NRBP1: variants seen among roughly 807,000 people sequenced by gnomAD.
The protein encoded by NRBP1 is nuclear receptor-binding protein.
Under a neutral mutation model 76.0 loss-of-function variants are expected in NRBP1, and 10 were observed. The observed-to-expected ratio is 0.13, with a 90% CI of 0.08 to 0.22. NRBP1 has a LOEUF of 0.22. NRBP1 is among the 10% of genes least tolerant of loss of function. The probability of loss-of-function intolerance (pLI) is 1.00; values close to 1 mark genes in which losing one functional copy is unlikely to be tolerated. For synonymous variants in NRBP1, 235 were observed against 240.2 expected (o/e 0.98, Z 0.20); for missense variants, 344 against 646.0 (o/e 0.53, Z 5.07).
Position 27,440,841 on chromosome 2 carries a change from T to C in NRBP1, c.1230T>C (p.Pro410=). The C allele has an allele frequency of 6.2e-7, 1 of 1,614,060 alleles. No homozygotes were observed. Among genetic ancestry groups the C allele is most frequent in the Non-Finnish European group, 8.5e-7 (1 of 1,180,024 alleles). The change falls in exon 14 of 18, where the codon CCT becomes CCC. Residue 410 remains proline, a synonymous_variant. Transcript: ENST00000379852. ...GIYPLTAFGL[P]RPQQPQQEEV... ...ATCCTCTGACAGCCTTTGGGCTGCC[T>C]CGGCCCCAGCAGCCACAGCAGGAGG...
At position 27,433,495 on chromosome 2, in the gene NRBP1, G is replaced by T. The variant is rs775263465; in HGVS notation, c.210+12G>T. ...AGAGGCGAGAAGAGGTAAGGTTATG[G>T]TACAGTTACTCTTGGGTGAGTGAAT... On this transcript the variant is annotated intron_variant, in intron 2 of 17. Coordinates refer to ENST00000379852, the MANE Select transcript of NRBP1 (RefSeq NM_013392.4). 2.5e-5 allele frequency: 40 copies of T among 1,613,174 alleles called. No homozygotes were observed. Among genetic ancestry groups the T allele is most frequent in the Non-Finnish European group, 3.2e-5 (38 of 1,179,616 alleles).
At chr2:27,431,026 T>C (rs1664091842) in intron 1 of NRBP1, among the ~76,000 whole-genome samples, 2 of 152,138 alleles carry the variant, frequency 1.3e-5, no homozygotes, top group Non-Finnish European at 2.9e-5. Context: ...CTAGGCTGGG[T>C]GTGGTGGCTC....
intron 14 of NRBP1, 84 bp downstream of exon 14, chr2:27,441,024 A>T: frequency 6.2e-7 from 1 of 1,608,912 alleles, no homozygotes; most frequent in Non-Finnish European, 8.5e-7. Flanking sequence ...TATCCTTTAG[A>T]GAAAATGCTC....
intron 10 of NRBP1, among the ~76,000 whole-genome samples, chr2:27,438,383 G>T (rs1345382134): frequency 1.3e-5 from 2 of 152,138 alleles, no homozygotes; most frequent in Admixed American, 6.5e-5. Context: ...AATGAGCTAA[G>T]ATTTAAAAGA....
At chr2:27,435,022 A>C in intron 6 of NRBP1, 111 bp from the exon 7 acceptor site, 2 of 688,046 alleles carry the variant, frequency 2.9e-6, no homozygotes, top group South Asian at 3.5e-5. Flanking sequence ...GAGTGTGGGG[A>C]TTATCTTTAT....
Position 27,435,153 on chromosome 2 carries a change from C to G in NRBP1, c.587C>G (p.Pro196Arg), listed in dbSNP as rs779546002. The change falls in exon 7 of 18, where the codon CCC becomes CGC. Residue 196 changes from proline (P) to arginine (R), a missense_variant. By Grantham distance (103) the Pro-to-Arg change is moderately radical. Around this residue, in one of 3 missense-constraint regions of NRBP1, gnomAD observed 73 missense variants for 287.8 expected, o/e 0.25. Transcript: ENST00000379852. ...SALSYLHSCD[P>R]PIIHGNLTCD... ...CACAGCTACCTGCACTCCTGTGACC[C>G]CCCCATCATCCATGGGAACCTGACC... 2 of 1,614,054 alleles carry G rather than the reference C, an allele frequency of 1.2e-6. No homozygotes were observed. Among genetic ancestry groups the G allele is most frequent in the African/African-American group, 2.7e-5 (2 of 74,994 alleles).
At position 27,434,467 on chromosome 2, in the gene NRBP1, C is replaced by T. The variant is rs1664232041; in HGVS notation, c.436-4C>T. The T allele has an allele frequency of 6.2e-7, 1 of 1,610,746 alleles. No homozygotes were observed. ...GCCTTTTAGTAAGTGCTTTGCCTCC[C>T]CAGGTCATTTTTATCACAGAATACA... On this transcript the variant is annotated splice_region_variant and splice_polypyrimidine_tract_variant and intron_variant, in intron 4 of 17. Transcript: ENST00000379852.
At chr2:27,438,034 A>C (rs1036978970) in intron 10 of NRBP1, among the ~76,000 whole-genome samples, 7 of 151,346 alleles carry the variant, frequency 4.6e-5, no homozygotes, top group Non-Finnish European at 7.4e-5. Flanking sequence ...TAAAAATACA[A>C]AAATTAGCTG....
At chr2:27,435,774 GCT>G (rs1425342750) in intron 7 of NRBP1, 6 of 717,456 alleles carry the variant, frequency 8.4e-6, no homozygotes, top group African/African-American at 3.5e-5. Context: ...CCCACTTGGG[GCT>G]CTGTTTGTGC....
rs865932905 is a variant in NRBP1 at position 27,433,921 on chromosome 2, G to A, written c.334-68G>A. The A allele has an allele frequency of 3.8e-6, 6 of 1,593,194 alleles. No homozygotes were observed. In the Middle Eastern group the frequency reaches 8.3e-4, roughly 221 times the overall value. On this transcript the variant is annotated intron_variant, in intron 3 of 17. Coordinates refer to ENST00000379852, the MANE Select transcript of NRBP1 (RefSeq NM_013392.4). ...TTAGATCGTTTCTGGGGAGGGATAG[G>A]GAATGGCTTCTCAGGATTATTACAG... is the stretch of plus-strand genomic sequence containing the variant.
In NRBP1 at chr2:27,442,229, T is replaced by A. The variant is rs1664615713; in HGVS notation, c.*417T>A. 1.7e-6 allele frequency: 1 copy of A among 574,592 alleles called. No homozygotes were observed. The highest frequency in any genetic ancestry group is 3.8e-5 in the Admixed American group (1 of 26,116). 35.6% of individuals were successfully genotyped at this position (574,592 alleles called of 1,614,324 possible). On this transcript the variant is annotated 3_prime_UTR_variant, in exon 18 of 18. Transcript: ENST00000379852. ...GGGCCATTCGATTCGCCTCAGTTGC[T>A]GCTGTAATAAAAGTCTACTTTTTGC... is the stretch of plus-strand genomic sequence containing the variant.
chr2:27,434,801 G>A, intron 6 of NRBP1, 39 bp downstream of exon 6: 1 of 1,596,636 alleles, frequency 6.3e-7, no homozygotes, highest in Non-Finnish European at 8.6e-7. Flanking sequence ...CATATTTCCT[G>A]ATGTAGTTAC....
At chr2:27,434,920 C>A in intron 6 of NRBP1, 158 bp downstream of exon 6, 2 of 749,510 alleles carry the variant, frequency 2.7e-6, no homozygotes, top group South Asian at 3.2e-5. Flanking sequence ...TTAAAGGGTG[C>A]GTCCTAATGC....
rs1464337632 is a variant in NRBP1 at position 27,442,073 on chromosome 2, C to T, written c.*261C>T. ...AGCCGCCTTCTAGTTGGGGGCTAGT[C>T]GCTGATCTGCCGGCTCCCGCCCAGC... is the stretch of plus-strand genomic sequence containing the variant. On this transcript the variant is annotated 3_prime_UTR_variant, in exon 18 of 18. Coordinates refer to ENST00000379852, the MANE Select transcript of NRBP1 (RefSeq NM_013392.4). 2 of 533,736 alleles carry T rather than the reference C, an allele frequency of 3.7e-6. No individual in the cohort carries two copies. The highest frequency in any genetic ancestry group is 1.9e-5 in the African/African-American group (1 of 51,466). The allele number at this position is 533,736 out of a possible 1,614,324, so 33.1% of individuals were successfully genotyped here.
At chr2:27,433,878 G>C in intron 3 of NRBP1, 83 bp downstream of exon 3, 1 of 1,608,396 alleles carries the variant, frequency 6.2e-7, no homozygotes, top group South Asian at 1.1e-5. Context: ...AGCTGCCCGT[G>C]AGGAGAGTAT....
chr2:27,435,731 A>T, intron 7 of NRBP1: 1 of 717,564 alleles, frequency 1.4e-6, no homozygotes, highest in Non-Finnish European at 2.6e-6. Context: ...AGTCTTTCAT[A>T]GGATTTTTGC....
Position 27,441,180 on chromosome 2 carries a change from C to CGTAAGGCTCA in NRBP1, c.1383+2_1383+11dup. ...CGGTGGAGGAGGGAGTCAAACACCA[C>CGTAAGGCTCA]GTAAGGCTCAGGGCTAGGGTTGCGC... On this transcript the variant is annotated frameshift_variant and splice_region_variant. Coordinates refer to ENST00000379852, the MANE Select transcript of NRBP1 (RefSeq NM_013392.4). LOFTEE classifies it high-confidence loss of function. 1 of 1,613,990 alleles carries CGTAAGGCTCA rather than the reference C, an allele frequency of 6.2e-7. No homozygotes were observed. The highest frequency in any genetic ancestry group is 8.5e-7 in the Non-Finnish European group (1 of 1,179,964).
At chr2:27,432,256 G>A (rs753110727) in intron 1 of NRBP1, among the ~76,000 whole-genome samples, 23 of 152,210 alleles carry the variant, frequency 1.5e-4, no homozygotes, top group Admixed American at 3.3e-4. Context: ...ACCTGATTTT[G>A]CTGGTGATTT....
Position 27,433,271 on chromosome 2 carries a change from A to G in NRBP1, c.-3A>G. 2 of 1,613,152 alleles carry G rather than the reference A, an allele frequency of 1.2e-6. No individual in the cohort carries two copies. The highest frequency in any genetic ancestry group is 1.7e-5 in the Admixed American group (1 of 60,028). On this transcript the variant is annotated 5_prime_UTR_variant, in exon 2 of 18. Transcript: ENST00000379852. ...CAGTGCAGGCCTGAGTGTTCCTTCC[A>G]GCATGTCGGAGGGGGAGTCCCAGAC...
Sources: gnomAD v4.1 joint callset for allele counts (sites outside exome capture counted in the v4.1 genomes callset) on GRCh38, gnomAD v4.1.1 for gene constraint, gnomAD v4.1.1 regional missense constraint, MANE v1.5 for transcripts, NCBI Gene and HGNC (gene_info 2026-07-23, HGNC 2026-07-21) for gene names.